The following SEH1L variants were observed in gnomAD, a reference collection of about 807,000 sequenced individuals.
SEH1L encodes SEH1 like nucleoporin, also known as nucleoporin SEH1.
In SEH1L, 18 loss-of-function variants were observed where a neutral mutation model predicts 49.5. The ratio of observed to expected loss-of-function variants is 0.36; its 90% confidence interval spans 0.25 to 0.54. The LOEUF (loss-of-function observed/expected upper bound fraction) is 0.54. Ranked by LOEUF, SEH1L falls within the 20% of genes least tolerant of loss-of-function variation. SEH1L has a pLI of 0.87. For missense variants in SEH1L, 404 were observed against 528.8 expected, an observed-to-expected ratio of 0.76 and a Z score of 2.31; for synonymous variants, 169 against 178.1, an observed-to-expected ratio of 0.95 and a Z score of 0.41.
chr18:12,969,498 G>T (rs2031602486), intron 4 of SEH1L, among the ~76,000 whole-genome samples: 1 of 151,528 alleles, frequency 6.6e-6, no homozygotes, highest in Non-Finnish European at 1.5e-5. Flanking sequence ...GACCATCCTG[G>T]CCAACATGGT....
At chr18:12,975,716 T>A (rs1249313967) in intron 5 of SEH1L, 1 of 985,728 alleles carries the variant, frequency 1.0e-6, no homozygotes, top group East Asian at 1.1e-4. Context: ...AGTCACAAGG[T>A]TGTATTTACC....
intron 8 of SEH1L, chr18:12,986,125 C>G (rs1275928340): frequency 5.1e-6 from 5 of 984,288 alleles, no homozygotes; most frequent in Non-Finnish European, 6.0e-6. Flanking sequence ...TGTCAGCATT[C>G]CATGTCTCAA....
At chr18:12,976,354 G>A (rs1331906899) in intron 5 of SEH1L, 1 of 152,274 alleles carries the variant, frequency 6.6e-6, no homozygotes, top group Non-Finnish European at 1.5e-5. Context: ...CCGTCCCCTG[G>A]GTAGAAAACA....
chr18:12,948,457 C>A, intron 1 of SEH1L: 2 of 407,566 alleles, frequency 4.9e-6, no homozygotes, highest in Middle Eastern at 6.6e-4. Flanking sequence ...GCTGGTGCCA[C>A]GTGCGCGCTC....
rs1467685892 is a variant in SEH1L at position 12,981,849 on chromosome 18, C to CTTTTTTTTTTTTTTTTT, written c.762-669_762-668insTTTTTTTTTTTTTTTTT. Among the ~76,000 whole-genome samples, 11 of 102,528 alleles carry CTTTTTTTTTTTTTTTTT rather than the reference C, an allele frequency of 1.1e-4. 1 individual carries two copies. Among genetic ancestry groups the CTTTTTTTTTTTTTTTTT allele is most frequent in the African/African-American group, 4.1e-4 (9 of 21,708 alleles). The allele number at this position is 102,528 out of a possible 152,430, so 67.3% of individuals were successfully genotyped here. A position where few individuals can be genotyped will look rare whatever the true frequency, so the allele number is the denominator to read the frequency against. ...ATTCTTTCCTACTTGCTGCCCTGCC[C>CTTTTTTTTTTTTTTTTT]ATTTTTTTTTTTTTTTTTTTTTTTT... On this transcript the variant is annotated intron_variant, in intron 6 of 8. Transcript: ENST00000399892.
intron 3 of SEH1L, among the ~76,000 whole-genome samples, chr18:12,962,410 A>G (rs1468896441): frequency 2.0e-5 from 3 of 150,254 alleles, no homozygotes; most frequent in African/African-American, 7.3e-5. Flanking sequence ...TAGTGGTCCA[A>G]ATGGGATTAA....
intron 3 of SEH1L, among the ~76,000 whole-genome samples, chr18:12,956,787 A>G (rs890544692): frequency 1.3e-4 from 19 of 151,304 alleles, no homozygotes; most frequent in East Asian, 1.9e-4. Flanking sequence ...TAGCGTAACC[A>G]ACCTTTGAAA....
chr18:12,979,437 G>A (rs2032069676), intron 6 of SEH1L, among the ~76,000 whole-genome samples: 1 of 150,194 alleles, frequency 6.7e-6, no homozygotes, highest in African/African-American at 2.5e-5. Context: ...TCTTAGTATA[G>A]AACAAAATGA....
At position 12,978,907 on chromosome 18, in the gene SEH1L, C is replaced by T; in HGVS notation, c.761+15C>T. 1.2e-6 allele frequency: 2 copies of T among 1,610,706 alleles called. No individual in the cohort carries two copies. The highest frequency in any genetic ancestry group is 1.7e-6 in the Non-Finnish European group (2 of 1,177,930). On this transcript the variant is annotated intron_variant, in intron 6 of 8. Transcript: ENST00000399892. The stretch of plus-strand genomic sequence containing the variant: ...AAGCCTGTGAGGTGAGTTTTAGAAG[C>T]ATTTATGAATTTGAAAATACTCTTG...
intron 1 of SEH1L, among the ~76,000 whole-genome samples, chr18:12,951,187 C>T (rs986317210): frequency 6.6e-5 from 10 of 152,068 alleles, no homozygotes; most frequent in African/African-American, 2.2e-4. Flanking sequence ...TGAAACCAGG[C>T]GATACTCTAT....
At chr18:12,966,956 T>C (rs2031479648) in intron 4 of SEH1L, among the ~76,000 whole-genome samples, 1 of 152,248 alleles carries the variant, frequency 6.6e-6, no homozygotes, top group East Asian at 1.9e-4. Flanking sequence ...TTTGTATGAA[T>C]GGCAATCATT....
chr18:12,980,848 G>A (rs530710026), intron 6 of SEH1L, among the ~76,000 whole-genome samples: 3 of 141,056 alleles, frequency 2.1e-5, no homozygotes, highest in South Asian at 2.4e-4. Flanking sequence ...CCTTCCGGAC[G>A]GGGCGGCTGG....
intron 3 of SEH1L, among the ~76,000 whole-genome samples, chr18:12,956,894 T>A (rs1008591960): frequency 6.6e-6 from 1 of 152,046 alleles, no homozygotes; most frequent in Non-Finnish European, 1.5e-5. Flanking sequence ...GGTGAAACCC[T>A]GTCTCTACTA....
chr18:12,956,204 CCA>C (rs2030848299), intron 3 of SEH1L, among the ~76,000 whole-genome samples: 9 of 152,000 alleles, frequency 5.9e-5, no homozygotes, highest in African/African-American at 2.2e-4. Context: ...GCCACCACGC[CCA>C]TCTAATTTTT....
chr18:12,981,439 C>T (rs186095971), intron 6 of SEH1L, among the ~76,000 whole-genome samples: 2 of 152,096 alleles, frequency 1.3e-5, no homozygotes, highest in Admixed American at 6.5e-5. Context: ...AATGCAACTC[C>T]GTCTGCCATC....
rs398120193 is a variant in SEH1L, at chr18:12,957,066, C to CAAA, written c.309+1469_309+1471dup. Among the ~76,000 whole-genome samples, 256 of 140,332 alleles carry CAAA rather than the reference C, an allele frequency of 1.8e-3. 1 individual carries two copies. The highest frequency in any genetic ancestry group is 6.4e-3 in the African/African-American group (249 of 38,750). The allele number at this position is 140,332 out of a possible 152,430, so 92.1% of individuals were successfully genotyped here. A position where few individuals can be genotyped will look rare whatever the true frequency, so the allele number is the denominator to read the frequency against. ...CTGGGCGACGGAGCGAGACTTGTCTCAAAAAAAAAAAAAATTCTATAAAAA... is the reference window on the plus strand; with the variant it reads ...CTGGGCGACGGAGCGAGACTTGTCTCAAAAAAAAAAAAAAAAATTCTATAAAAA... On this transcript the variant is annotated intron_variant, in intron 3 of 8. Coordinates refer to ENST00000399892, the MANE Select transcript of SEH1L (RefSeq NM_001013437.2).
intron 8 of SEH1L, 44 bp downstream of exon 8, chr18:12,984,234 A>G: frequency 1.9e-6 from 3 of 1,586,630 alleles, no homozygotes; most frequent in Non-Finnish European, 2.6e-6. Flanking sequence ...TTTGTTTTAA[A>G]TCATTCTGGT....
chr18:12,984,704 CAT>C (rs1164783135), intron 8 of SEH1L: 1 of 153,612 alleles, frequency 6.5e-6, no homozygotes, highest in Non-Finnish European at 1.4e-5. Context: ...GAATATTTAG[CAT>C]ATGTTACATT....
Position 12,979,968 on chromosome 18 carries a change from C to T in SEH1L, c.761+1076C>T, listed in dbSNP as rs1296900078. 3.5e-3 allele frequency among the ~76,000 whole-genome samples: 477 copies of T among 137,852 alleles called. 2 individuals carry two copies. Among genetic ancestry groups the T allele is most frequent in the African/African-American group, 0.012 (456 of 36,572 alleles). 90.4% of individuals were successfully genotyped at this position (137,852 alleles called of 152,430 possible). A position where few individuals can be genotyped will look rare whatever the true frequency, so the allele number is the denominator to read the frequency against. Reference sequence around the variant, plus strand: ...GGCGGCCGGGCAGAGGTGCCCCTCACCTCCCGGACGGGGCGGCTGGCCGGG... The same window carrying T: ...GGCGGCCGGGCAGAGGTGCCCCTCATCTCCCGGACGGGGCGGCTGGCCGGG... On this transcript the variant is annotated intron_variant, in intron 6 of 8. Coordinates refer to ENST00000399892, the MANE Select transcript of SEH1L (RefSeq NM_001013437.2).
Sources: gnomAD v4.1 joint callset for allele counts (sites outside exome capture counted in the v4.1 genomes callset) on GRCh38, gnomAD v4.1.1 for gene constraint, MANE v1.5 for transcripts, NCBI Gene and HGNC (gene_info 2026-07-23, HGNC 2026-07-21) for gene names.